Variants in SPTSSA observed in about 807,000 individuals in gnomAD.
SPTSSA encodes small subunit of serine palmitoyltransferase A.
SPTSSA carries 8 observed loss-of-function variants against 9.1 expected under a neutral mutation model. The ratio of observed to expected loss-of-function variants is 0.88; its 90% confidence interval spans 0.51 to 1.58. The LOEUF (loss-of-function observed/expected upper bound fraction) is 1.58, where lower values mean the gene tolerates loss of function less well. Among genes scored for constraint, SPTSSA ranks in the 40% most tolerant of loss-of-function variants. The probability of loss-of-function intolerance (pLI) is 0.00; values close to 1 mark genes in which losing one functional copy is unlikely to be tolerated. For synonymous variants in SPTSSA, 42 were observed against 37.7 expected (o/e 1.11, Z -0.41); for missense variants, 100 against 93.8 (o/e 1.07, Z -0.27).
intron 1 of SPTSSA, among the ~76,000 whole-genome samples, chr14:34,447,243 A>G (rs1026450317): frequency 6.6e-6 from 1 of 151,104 alleles, no homozygotes. Flanking sequence ...AAAAAAAAAA[A>G]AAAAAAAGAC....
At position 34,462,225 on chromosome 14, in the gene SPTSSA, G is replaced by C. The variant is rs775415035; in HGVS notation, c.-18C>G. On this transcript the variant is annotated 5_prime_UTR_variant, in exon 1 of 2. Transcript: ENST00000298130. ...CCCGCCATGCGCCTCCCGCGATGCA[G>C]CTCACACGTCAGTCTGTCCGGCCGG... is the stretch of plus-strand genomic sequence containing the variant. 1.3e-6 allele frequency: 2 copies of C among 1,503,464 alleles called. No homozygotes were observed. Among genetic ancestry groups the C allele is most frequent in the East Asian group, 5.8e-5 (2 of 34,554 alleles). The allele number at this position is 1,503,464 out of a possible 1,614,324, so 93.1% of individuals were successfully genotyped here.
rs1482090424 is a variant in SPTSSA at position 34,433,224 on chromosome 14, T to G, written c.*1977A>C. The G allele has an allele frequency of 2.0e-5, 3 of 152,160 alleles. No homozygotes were observed. Among genetic ancestry groups the G allele is most frequent in the Non-Finnish European group, 2.9e-5 (2 of 68,028 alleles). The allele number at this position is 152,160 out of a possible 1,614,324, so 9.4% of individuals were successfully genotyped here. A position where few individuals can be genotyped will look rare whatever the true frequency, so the allele number is the denominator to read the frequency against. ...GGTCAGTGTTCATAATAACCATCAG[T>G]TATACAACAGCAATTTAATGAATCT... On this transcript the variant is annotated 3_prime_UTR_variant, in exon 2 of 2. Transcript: ENST00000298130.
At chr14:34,458,602 T>G (rs896091107) in intron 1 of SPTSSA, among the ~76,000 whole-genome samples, 11 of 151,432 alleles carry the variant, frequency 7.3e-5, no homozygotes, top group South Asian at 6.3e-4. Flanking sequence ...GTTCAAGCGA[T>G]TCTCCTGCCT....
chr14:34,455,070 G>A (rs1489383064), intron 1 of SPTSSA, among the ~76,000 whole-genome samples: 8 of 150,392 alleles, frequency 5.3e-5, no homozygotes, highest in South Asian at 2.1e-4. Context: ...CTAGGTAACA[G>A]ATCAAGACTC....
At chr14:34,446,294 C>G (rs1883421256) in intron 1 of SPTSSA, among the ~76,000 whole-genome samples, 2 of 152,168 alleles carry the variant, frequency 1.3e-5, no homozygotes, top group Non-Finnish European at 1.5e-5. Context: ...GGAAATTTCT[C>G]CCAAGAAGAT....
chr14:34,460,309 T>C (rs1210787956), intron 1 of SPTSSA, among the ~76,000 whole-genome samples: 19 of 152,194 alleles, frequency 1.2e-4, no homozygotes, highest in Non-Finnish European at 8.8e-5. Context: ...ATCATAAGGT[T>C]CTATAATATT....
At position 34,458,838 on chromosome 14, in the gene SPTSSA, A is replaced by G. The variant is rs570081314; in HGVS notation, c.112+3258T>C. On this transcript the variant is annotated intron_variant, in intron 1 of 1. Transcript: ENST00000298130. ...GCAAATAATTTCTAAACATCCATTC[A>G]GATGCTCAAGGATGCCCCTGGAAAG... is the stretch of plus-strand genomic sequence containing the variant. Among the ~76,000 whole-genome samples, 4 of 151,650 alleles carry G rather than the reference A, an allele frequency of 2.6e-5. No homozygotes were observed. In the South Asian group the frequency reaches 8.3e-4, roughly 32 times the overall value.
chr14:34,453,067 T>C (rs537751716), intron 1 of SPTSSA, among the ~76,000 whole-genome samples: 14 of 152,330 alleles, frequency 9.2e-5, no homozygotes, highest in African/African-American at 3.1e-4. Context: ...GAATACAGTA[T>C]ATAATACATA....
chr14:34,459,261 C>T (rs1422872314), intron 1 of SPTSSA, among the ~76,000 whole-genome samples: 1 of 147,712 alleles, frequency 6.8e-6, no homozygotes, highest in African/African-American at 2.5e-5. Flanking sequence ...GGTAAAACCA[C>T]CCCACCCCCA....
At chr14:34,453,707 T>C (rs1883565138) in intron 1 of SPTSSA, among the ~76,000 whole-genome samples, 2 of 152,242 alleles carry the variant, frequency 1.3e-5, no homozygotes, top group African/African-American at 4.8e-5. Context: ...GAAACATATA[T>C]AATACATGCT....
At chr14:34,445,557 G>A (rs112090002) in intron 1 of SPTSSA, among the ~76,000 whole-genome samples, 1,675 of 152,188 alleles carry the variant, frequency 0.011, 31 homozygotes, top group African/African-American at 0.038. Context: ...TTGGCAAAAC[G>A]TATAATATAT....
chr14:34,454,997 G>A (rs1883589887), intron 1 of SPTSSA, among the ~76,000 whole-genome samples: 1 of 151,916 alleles, frequency 6.6e-6, no homozygotes, highest in Admixed American at 6.6e-5. Context: ...TGAGGCAGGA[G>A]AATTGCTTGA....
chr14:34,454,784 T>A (rs1219943221), intron 1 of SPTSSA, among the ~76,000 whole-genome samples: 2 of 152,176 alleles, frequency 1.3e-5, no homozygotes, highest in African/African-American at 4.8e-5. Flanking sequence ...TACTTCCTAA[T>A]CTTACAATTG....
chr14:34,456,624 G>A (rs116188568), intron 1 of SPTSSA, among the ~76,000 whole-genome samples: 3,012 of 152,096 alleles, frequency 0.02, 97 homozygotes, highest in African/African-American at 0.07. Flanking sequence ...TAGGCCAGGC[G>A]CGGTAGCTCA....
chr14:34,453,663 T>C (rs1883564730), intron 1 of SPTSSA, among the ~76,000 whole-genome samples: 1 of 152,232 alleles, frequency 6.6e-6, no homozygotes, highest in Non-Finnish European at 1.5e-5. Context: ...TCAATAATAT[T>C]TTCCTATAAA....
At chr14:34,442,008 T>A (rs538497461) in intron 1 of SPTSSA, among the ~76,000 whole-genome samples, 1 of 152,112 alleles carries the variant, frequency 6.6e-6, no homozygotes, top group Non-Finnish European at 1.5e-5. Flanking sequence ...CCAGAGTAGG[T>A]GGGATTACAG....
At chr14:34,457,735 G>A (rs1350344925) in intron 1 of SPTSSA, among the ~76,000 whole-genome samples, 1 of 152,098 alleles carries the variant, frequency 6.6e-6, no homozygotes, top group East Asian at 1.9e-4. Context: ...ACTTCGGGAA[G>A]CTGAAGTGGG....
At chr14:34,461,559 C>A (rs1878615369) in intron 1 of SPTSSA, among the ~76,000 whole-genome samples, 2 of 152,188 alleles carry the variant, frequency 1.3e-5, no homozygotes, top group Non-Finnish European at 2.9e-5. Context: ...CAAAAAGATA[C>A]AATAACTTAA....
chr14:34,436,389 A>G (rs879675880), intron 1 of SPTSSA, among the ~76,000 whole-genome samples: 3 of 152,228 alleles, frequency 2.0e-5, no homozygotes, highest in Admixed American at 6.5e-5. Context: ...GGCTTTGCAC[A>G]GTTACATAGG....
Sources: gnomAD v4.1 joint callset for allele counts (sites outside exome capture counted in the v4.1 genomes callset) on GRCh38, gnomAD v4.1.1 for gene constraint, MANE v1.5 for transcripts, NCBI Gene and HGNC (gene_info 2026-07-23, HGNC 2026-07-21) for gene names.